Variants in FNDC1 observed in about 807,000 individuals in gnomAD.
FNDC1 encodes fibronectin type III domain-containing protein 1.
FNDC1 carries 96 observed loss-of-function variants against 168.0 expected under a neutral mutation model. The ratio of observed to expected loss-of-function variants is 0.57; its 90% CI spans 0.48 to 0.68. The LOEUF is 0.68. Among genes scored for constraint, FNDC1 ranks in the 30% least tolerant of loss-of-function variants. The pLI, the probability that FNDC1 is intolerant of heterozygous loss-of-function variation, is 0.00. For synonymous variants in FNDC1, 1,099 were observed against 1,025.9 expected, an observed-to-expected ratio of 1.07 and a Z score of -1.36; for missense variants, 2,587 against 2,482.1, an observed-to-expected ratio of 1.04 and a Z score of -0.90.
chr6:159,268,679 CATCT>C (rs886476874), intron 22 of FNDC1, among the ~76,000 whole-genome samples: 10 of 149,604 alleles, frequency 6.7e-5, no homozygotes, highest in African/African-American at 1.5e-4. Flanking sequence ...TCTCTCTATC[CATCT>C]ATCTATCCAT....
chr6:159,268,344 C>G (rs1185181149), intron 22 of FNDC1, among the ~76,000 whole-genome samples: 1 of 152,142 alleles, frequency 6.6e-6, no homozygotes, highest in Non-Finnish European at 1.5e-5. Flanking sequence ...GTCTAGCACC[C>G]TTTTGATTAT....
intron 7 of FNDC1, among the ~76,000 whole-genome samples, 190 bp from the exon 8 acceptor site, chr6:159,225,345 T>A (rs1192143166): frequency 1.3e-5 from 2 of 152,168 alleles, no homozygotes; most frequent in African/African-American, 2.4e-5. Context: ...CTCTGTTTTT[T>A]TCTCCCACTT....
intron 1 of FNDC1, among the ~76,000 whole-genome samples, chr6:159,190,925 A>C (rs1033885240): frequency 1.3e-5 from 2 of 152,226 alleles, no homozygotes; most frequent in Non-Finnish European, 2.9e-5. Flanking sequence ...TGCTGTAAAG[A>C]ACTACCTGAG....
intron 14 of FNDC1, among the ~76,000 whole-genome samples, chr6:159,246,480 C>T (rs1346890414): frequency 6.6e-6 from 1 of 152,232 alleles, no homozygotes; most frequent in Non-Finnish European, 1.5e-5. Context: ...CACCAACCGC[C>T]CACTCTCTTC....
chr6:159,232,377 A>G lies in FNDC1; in HGVS notation c.1865A>G (p.His622Arg). 6.2e-7 allele frequency: 1 copy of G among 1,613,410 alleles called. No individual in the cohort carries two copies. Among genetic ancestry groups the G allele is most frequent in the Non-Finnish European group, 8.5e-7 (1 of 1,179,626 alleles). ...CCCTCGGCTTCGGCCTCTCCTGCCC[A>G]CCACGCGTCCACCCAGGGCACCTCT... is the stretch of plus-strand genomic sequence containing the variant. ...APPSASASPA[H>R]HASTQGTSHR... Residue 622 changes from histidine to arginine, a missense_variant, in exon 11 of 23, where the codon CAC (histidine) becomes CGC (arginine). Physicochemically the swap from His to Arg is conservative, Grantham distance 29. Coordinates refer to ENST00000297267, the MANE Select transcript of FNDC1 (RefSeq NM_032532.3). This position sits in a 1 kb window ranked among gnomAD's most constrained non-coding sequence, Gnocchi z 4.9.
chr6:159,237,051 A>T (rs1480485222), intron 12 of FNDC1, among the ~76,000 whole-genome samples: 1 of 152,252 alleles, frequency 6.6e-6, no homozygotes, highest in Admixed American at 6.5e-5. Context: ...AGGGAAATGT[A>T]CTAAAAGACT....
chr6:159,195,635 G>A (rs900753096), intron 1 of FNDC1, among the ~76,000 whole-genome samples: 2 of 152,178 alleles, frequency 1.3e-5, no homozygotes, highest in Non-Finnish European at 2.9e-5. Context: ...ATTCTGTGCT[G>A]TGTCCAACGA....
intron 4 of FNDC1, among the ~76,000 whole-genome samples, 153 bp from the exon 5 acceptor site, chr6:159,214,791 GA>G (rs1221449417): frequency 6.6e-6 from 1 of 152,188 alleles, no homozygotes. Flanking sequence ...ACCCTTGGGG[GA>G]AAAATGTCCT....
intron 7 of FNDC1, among the ~76,000 whole-genome samples, chr6:159,225,052 C>G (rs1278521408): frequency 6.6e-6 from 1 of 152,154 alleles, no homozygotes; most frequent in African/African-American, 2.4e-5. Context: ...TGTTCCCGTT[C>G]CTCCTGAACC....
intron 16 of FNDC1, 41 bp downstream of exon 16, chr6:159,249,223 A>C: frequency 6.4e-7 from 1 of 1,562,696 alleles, no homozygotes. Flanking sequence ...TGGGTTTTTA[A>C]CTTGTGGTCT....
At chr6:159,260,155 C>G (rs1212639996) in intron 18 of FNDC1, among the ~76,000 whole-genome samples, 2 of 152,214 alleles carry the variant, frequency 1.3e-5, no homozygotes, top group African/African-American at 4.8e-5. Flanking sequence ...TATGAGCTCT[C>G]TAAAATGACA....
chr6:159,265,319 A>G (rs1056191581), intron 20 of FNDC1, among the ~76,000 whole-genome samples: 1 of 152,222 alleles, frequency 6.6e-6, no homozygotes, highest in Admixed American at 6.5e-5. Context: ...GCAAAGTGCA[A>G]CAAGTAAAAC....
At chr6:159,256,808 G>A (rs294889) in intron 18 of FNDC1, among the ~76,000 whole-genome samples, 177 bp downstream of exon 18, 96,161 of 152,118 alleles carry the variant, frequency 0.63, 31,943 homozygotes, top group Middle Eastern at 0.75. Context: ...TCTTAGAAGA[G>A]ATGACTGTAT....
rs779496982 is a variant in FNDC1 at position 159,197,456 on chromosome 6, T to C, written c.135T>C (p.His45=). 4.3e-6 allele frequency: 7 copies of C among 1,613,512 alleles called. No individual in the cohort carries two copies. In the South Asian group the frequency reaches 6.6e-5, roughly 15 times the overall value. The change falls in exon 2 of 23, where the codon CAT becomes CAC. Residue 45 remains histidine, a synonymous_variant. Transcript: ENST00000297267. ...TTGACCACCCACTGAAGCCAAGGCA[T>C]GTGAAACTGCTGTCCACTAAAATGG... ...ASVDHPLKPR[H]VKLLSTKMGL...
In FNDC1 at chr6:159,225,741, C is replaced by T; in HGVS notation, c.1072+19C>T. 3 of 1,564,432 alleles carry T rather than the reference C, an allele frequency of 1.9e-6. No homozygotes were observed. Among genetic ancestry groups the T allele is most frequent in the Non-Finnish European group, 2.6e-6 (3 of 1,147,514 alleles). On this transcript the variant is annotated intron_variant, in intron 8 of 22. Transcript: ENST00000297267. The stretch of plus-strand genomic sequence containing the variant: ...GAATCTGGTCTGTATTTGAAATGGC[C>T]TTTGAATTTTCAATTTGGGAATTAC...
chr6:159,212,434 G>A (rs1332008096), intron 4 of FNDC1, among the ~76,000 whole-genome samples: 1 of 152,116 alleles, frequency 6.6e-6, no homozygotes, highest in Non-Finnish European at 1.5e-5. Flanking sequence ...TTCTTAATAT[G>A]CACATCAGTT....
At chr6:159,222,302 T>C (rs1343166536) in intron 6 of FNDC1, among the ~76,000 whole-genome samples, 3 of 152,180 alleles carry the variant, frequency 2.0e-5, no homozygotes, top group Non-Finnish European at 4.4e-5. Context: ...TTTTCATGAG[T>C]TCACAACATA....
At chr6:159,230,067 C>T in intron 10 of FNDC1, 64 bp downstream of exon 10, 1 of 1,464,884 alleles carries the variant, frequency 6.8e-7, no homozygotes, top group Non-Finnish European at 9.3e-7. Context: ...GTTTTGTGTT[C>T]CTTTGAATCA....
At chr6:159,265,164 C>T (rs1336919827) in intron 20 of FNDC1, among the ~76,000 whole-genome samples, 160 bp downstream of exon 20, 1 of 152,160 alleles carries the variant, frequency 6.6e-6, no homozygotes, top group Non-Finnish European at 1.5e-5. Context: ...ATCTTCTTTA[C>T]TCTGTGGGAA....
Sources: gnomAD v4.1 joint callset for allele counts (sites outside exome capture counted in the v4.1 genomes callset) on GRCh38, gnomAD v4.1.1 for gene constraint, Gnocchi (gnomAD v3.1) non-coding constraint, MANE v1.5 for transcripts, NCBI Gene and HGNC (gene_info 2026-07-23, HGNC 2026-07-21) for gene names.